COL4A4: variants seen among roughly 807,000 people sequenced by gnomAD.
COL4A4 encodes collagen alpha-4(IV) chain.
A neutral mutation model predicts 192.9 loss-of-function variants in COL4A4; 105 were observed. The ratio of observed to expected loss-of-function variants is 0.54; its 90% confidence interval spans 0.46 to 0.64. The LOEUF is 0.64. COL4A4 is among the 30% of genes least tolerant of loss of function. The pLI is 0.00. For synonymous variants in COL4A4, 762 were observed against 769.9 expected, an observed-to-expected ratio of 0.99 and a Z score of 0.17; for missense variants, 1,967 against 2,169.3, an observed-to-expected ratio of 0.91 and a Z score of 1.85.
chr2:227,054,492 C>A, intron 31 of COL4A4, 102 bp downstream of exon 31: 3 of 1,353,732 alleles, frequency 2.2e-6, no homozygotes, highest in Non-Finnish European at 3.2e-6. Flanking sequence ...AGGAGGAATC[C>A]AAGCTTCAGA....
intron 4 of COL4A4, among the ~76,000 whole-genome samples, chr2:227,131,166 T>TC (rs1312595798): frequency 6.6e-6 from 1 of 151,856 alleles, no homozygotes; most frequent in Non-Finnish European, 1.5e-5. Flanking sequence ...TTTCTTTCTT[T>TC]TTTTTTTAAG....
chr2:227,042,994 G>T, intron 36 of COL4A4, 83 bp downstream of exon 36: 2 of 987,234 alleles, frequency 2.0e-6, no homozygotes, highest in East Asian at 2.6e-5. Context: ...TCTGAATTTA[G>T]GTCTAATTAA....
Position 227,041,842 on chromosome 2 carries a change from A to AAG in COL4A4, c.3505+304_3505+305dup, listed in dbSNP as rs1271004493. Among the ~76,000 whole-genome samples the AAG allele has an allele frequency of 8.3e-3, 517 of 62,382 alleles. 4 individuals are homozygous for AAG. The highest frequency in any genetic ancestry group is 0.013 in the Middle Eastern group (2 of 152). The allele number at this position is 62,382 out of a possible 152,430, so 40.9% of individuals were successfully genotyped here. On this transcript the variant is annotated intron_variant, in intron 37 of 47. Coordinates refer to ENST00000396625, the MANE Select transcript of COL4A4 (RefSeq NM_000092.5). ...AAAGAAAGAAAGAAAGAAAGAAAGA[A>AAG]AGAAAGAGAAAGAAAGAAAGAAAGA...
In COL4A4 at chr2:227,042,194, T is replaced by C; in HGVS notation, c.3459A>G (p.Arg1153=). 1.2e-6 allele frequency: 2 copies of C among 1,613,686 alleles called. No individual in the cohort carries two copies. The highest frequency in any genetic ancestry group is 1.7e-6 in the Non-Finnish European group (2 of 1,179,586). ...GTATCCCTGGATCCCCCTGGAGGCCTCTTGGCCCAGGGTCTCCCATTTCTC... is the reference window on the plus strand; with the variant it reads ...GTATCCCTGGATCCCCCTGGAGGCCCCTTGGCCCAGGGTCTCCCATTTCTC... ...QPGEMGDPGP[R]GLQGDPGIPG... is the part of the protein sequence containing the mutation. Residue 1153 remains arginine (R), a synonymous_variant, in exon 37 of 48, where the codon AGA becomes AGG. Transcript: ENST00000396625.
chr2:227,010,540 G>A, intron 45 of COL4A4, 39 bp from the exon 46 acceptor site: 5 of 1,475,978 alleles, frequency 3.4e-6, no homozygotes, highest in Non-Finnish European at 3.6e-6. Flanking sequence ...GCAGGTTAGG[G>A]GGTTTGGTTT....
chr2:227,073,677 G>T (rs552786574), intron 25 of COL4A4, among the ~76,000 whole-genome samples: 79 of 152,160 alleles, frequency 5.2e-4, no homozygotes, highest in Admixed American at 1.2e-3. Flanking sequence ...AAAACAGCAT[G>T]GTACTGTTGT....
chr2:227,044,274 A>G (rs1972002458), intron 35 of COL4A4, among the ~76,000 whole-genome samples: 1 of 152,218 alleles, frequency 6.6e-6, no homozygotes, highest in South Asian at 2.1e-4. Context: ...GACACTTGAA[A>G]TTACATTTCT....
intron 26 of COL4A4, among the ~76,000 whole-genome samples, chr2:227,062,306 A>T (rs1399739054): frequency 6.6e-6 from 1 of 151,972 alleles, no homozygotes; most frequent in South Asian, 2.1e-4. Context: ...GGTAAATTTT[A>T]TTGTACAAAG....
chr2:227,083,046 T>C (rs941565795), intron 22 of COL4A4, among the ~76,000 whole-genome samples: 4 of 152,080 alleles, frequency 2.6e-5, no homozygotes, highest in African/African-American at 9.7e-5. Flanking sequence ...CTGGCCAACA[T>C]GGTGAAACCC....
intron 1 of COL4A4, among the ~76,000 whole-genome samples, chr2:227,150,039 T>A (rs1306554201): frequency 6.6e-6 from 1 of 152,218 alleles, no homozygotes; most frequent in African/African-American, 2.4e-5. Context: ...TATTCACAGA[T>A]GTATCCCCAG....
chr2:227,088,222 G>C (rs551914590), intron 22 of COL4A4, among the ~76,000 whole-genome samples: 2 of 152,290 alleles, frequency 1.3e-5, no homozygotes, highest in East Asian at 3.9e-4. Context: ...GAGGCACCTC[G>C]ATTTTTATCT....
At chr2:227,026,964 G>C (rs1966957878) in intron 42 of COL4A4, among the ~76,000 whole-genome samples, 1 of 152,146 alleles carries the variant, frequency 6.6e-6, no homozygotes, top group Non-Finnish European at 1.5e-5. Flanking sequence ...CTTAGAAACA[G>C]TCTATGTGGG....
chr2:226,998,538 TC>T (rs1324838426), downstream of COL4A4: 1 of 152,198 alleles, frequency 6.6e-6, no homozygotes, highest in African/African-American at 2.4e-5. Flanking sequence ...CTTCTTCCTT[TC>T]CCTTCCCATG....
chr2:227,082,148 C>T lies in COL4A4; in HGVS notation c.1663G>A (p.Ala555Thr), dbSNP rs2059359845. 1.2e-6 allele frequency: 2 copies of T among 1,614,038 alleles called. No homozygotes were observed. Among genetic ancestry groups the T allele is most frequent in the Admixed American group, 1.7e-5 (1 of 60,006 alleles). The change falls in exon 23 of 48, where the codon GCG becomes ACG. Residue 555 changes from alanine (A) to threonine (T), a missense_variant. Ala to Thr is a moderately conservative substitution (Grantham distance 58, BLOSUM62 0). Coordinates refer to ENST00000396625, the MANE Select transcript of COL4A4 (RefSeq NM_000092.5). ...GASGPPGNKG[A>T]KGDMVVSRVK... ...CTTGATACAACCATGTCACCCTTCG[C>T]CCCTTTGTTGCCAGGTGGTCCAGAG...
intron 17 of COL4A4, among the ~76,000 whole-genome samples, chr2:227,100,808 C>CTTT: frequency 7.0e-6 from 1 of 142,242 alleles, no homozygotes. Flanking sequence ...CTGCGCTATT[C>CTTT]TTTTTTTTTT....
chr2:227,069,157 C>T (rs1388160198), intron 25 of COL4A4, among the ~76,000 whole-genome samples: 1 of 139,860 alleles, frequency 7.2e-6, no homozygotes, highest in Non-Finnish European at 1.6e-5. Context: ...ATCCAACTTA[C>T]AAGGGATGTG....
In COL4A4 at chr2:227,007,200, C is replaced by T. The variant is rs780362149; in HGVS notation, c.*125G>A. ...CAGAGGACTCTGGGAATAACCACGA[C>T]AAAACAGAAGGAACCACTGAAAGGG... is the stretch of plus-strand genomic sequence containing the variant. On this transcript the variant is annotated 3_prime_UTR_variant, in exon 48 of 48. Transcript: ENST00000396625. 1.7e-5 allele frequency: 23 copies of T among 1,368,022 alleles called. No homozygotes were observed. Among genetic ancestry groups the T allele is most frequent in the Non-Finnish European group, 2.2e-5 (21 of 958,228 alleles). The allele number at this position is 1,368,022 out of a possible 1,614,324, so 84.7% of individuals were successfully genotyped here.
intron 24 of COL4A4, among the ~76,000 whole-genome samples, chr2:227,080,074 A>G (rs2059238967): frequency 6.6e-6 from 1 of 152,116 alleles, no homozygotes; most frequent in Non-Finnish European, 1.5e-5. Context: ...AACAGAATTG[A>G]TGCTAAACAT....
At chr2:227,041,241 G>A (rs1465196792) in intron 37 of COL4A4, among the ~76,000 whole-genome samples, 1 of 152,092 alleles carries the variant, frequency 6.6e-6, no homozygotes, top group Non-Finnish European at 1.5e-5. Context: ...CTTCAAAACT[G>A]TACACCCAGC....
Sources: gnomAD v4.1 joint callset for allele counts (sites outside exome capture counted in the v4.1 genomes callset) on GRCh38, gnomAD v4.1.1 for gene constraint, MANE v1.5 for transcripts, NCBI Gene and HGNC (gene_info 2026-07-23, HGNC 2026-07-21) for gene names.